SLC35F4: variants seen among roughly 807,000 people sequenced by gnomAD.
The protein encoded by SLC35F4 is solute carrier family 35 member F4, also known as chromosome 14 open reading frame 36.
SLC35F4 carries 24 observed loss-of-function variants against 44.2 expected under a neutral mutation model. The ratio of observed to expected loss-of-function variants is 0.54; its 90% CI spans 0.39 to 0.76. The LOEUF is 0.76. Among genes scored for constraint, SLC35F4 ranks in the 30% least tolerant of loss-of-function variants. The probability of loss-of-function intolerance (pLI) is 0.00; values close to 1 mark genes in which losing one functional copy is unlikely to be tolerated. For missense variants in SLC35F4, 562 were observed against 586.1 expected, an observed-to-expected ratio of 0.96 and a Z score of 0.42; for synonymous variants, 238 against 223.6, an observed-to-expected ratio of 1.06 and a Z score of -0.57.
chr14:57,926,194 G>A (rs528523929), intron 1 of SLC35F4, among the ~76,000 whole-genome samples: 5 of 152,280 alleles, frequency 3.3e-5, no homozygotes, highest in South Asian at 4.2e-4. Flanking sequence ...CAAATAAACC[G>A]TAAAGCCCTG....
At chr14:57,627,933 C>T (rs1158311887) in intron 1 of SLC35F4, among the ~76,000 whole-genome samples, 1 of 151,948 alleles carries the variant, frequency 6.6e-6, no homozygotes, top group Non-Finnish European at 1.5e-5. Flanking sequence ...TAGAAATGGG[C>T]TCAACCTCAG....
chr14:57,894,459 C>T (rs775813934), intron 1 of SLC35F4, among the ~76,000 whole-genome samples: 2 of 152,024 alleles, frequency 1.3e-5, no homozygotes, highest in Non-Finnish European at 2.9e-5. Flanking sequence ...GAAAGAGAGG[C>T]ACTCAGCCTC....
At chr14:57,857,996 G>A (rs1016085633) in intron 1 of SLC35F4, among the ~76,000 whole-genome samples, 4 of 152,028 alleles carry the variant, frequency 2.6e-5, no homozygotes, top group African/African-American at 4.8e-5. Context: ...TCTCACACCA[G>A]TTAGAATGGC....
intron 1 of SLC35F4, among the ~76,000 whole-genome samples, chr14:57,889,219 G>A (rs906782888): frequency 3.3e-5 from 5 of 152,184 alleles, no homozygotes; most frequent in Non-Finnish European, 5.9e-5. Context: ...GTTAATGTGG[G>A]TAACCAGGAA....
At position 57,865,989 on chromosome 14, in the gene SLC35F4, AGCGGCGGCGGCG is replaced by A. The variant is rs572660364; in HGVS notation, c.-176_-165del. On this transcript the variant is annotated 5_prime_UTR_variant, in exon 1 of 8. Coordinates refer to ENST00000556826, the MANE Select transcript of SLC35F4 (RefSeq NM_001306087.2). ...CGGCGCAGCACCGGCTCCGCATCACAGCGGCGGCGGCGGCGGCGGCGGCGGAGCGGCCCCCAC... is the reference window on the plus strand; with the variant it reads ...CGGCGCAGCACCGGCTCCGCATCACAGCGGCGGCGGCGGAGCGGCCCCCAC... The A allele has an allele frequency of 3.8e-5, 14 of 373,198 alleles. No individual in the cohort carries two copies. In the East Asian group the frequency reaches 6.0e-4, roughly 16 times the overall value. 23.1% of individuals were successfully genotyped at this position (373,198 alleles called of 1,614,324 possible).
intron 1 of SLC35F4, among the ~76,000 whole-genome samples, chr14:57,980,111 G>A (rs1221224607): frequency 6.6e-6 from 1 of 152,224 alleles, no homozygotes; most frequent in African/African-American, 2.4e-5. Flanking sequence ...AGTCTAGGCT[G>A]AAACAAATAC....
At chr14:57,862,442 A>C (rs763246654) in intron 1 of SLC35F4, among the ~76,000 whole-genome samples, 2 of 152,186 alleles carry the variant, frequency 1.3e-5, no homozygotes, top group Non-Finnish European at 2.9e-5. Flanking sequence ...TTTCATTCAG[A>C]ATACAAGCCA....
intron 1 of SLC35F4, among the ~76,000 whole-genome samples, chr14:57,704,490 G>A (rs187578599): frequency 6.6e-6 from 1 of 152,220 alleles, no homozygotes; most frequent in Admixed American, 6.5e-5. Flanking sequence ...AATGTTAGGA[G>A]CTGCTCCAGC....
At chr14:57,610,798 G>A (rs574427487) in intron 1 of SLC35F4, among the ~76,000 whole-genome samples, 16 of 152,294 alleles carry the variant, frequency 1.1e-4, no homozygotes, top group Non-Finnish European at 1.9e-4. Context: ...TATTTACTGA[G>A]TATCTCCTAT....
chr14:57,591,404 G>C (rs936164405), intron 2 of SLC35F4, among the ~76,000 whole-genome samples: 2 of 152,224 alleles, frequency 1.3e-5, no homozygotes, highest in African/African-American at 4.8e-5. Flanking sequence ...ACAGTCTCTT[G>C]ATAACAGGTC....
At chr14:57,770,018 T>C (rs1383019250) in intron 1 of SLC35F4, among the ~76,000 whole-genome samples, 2 of 152,124 alleles carry the variant, frequency 1.3e-5, no homozygotes, top group Non-Finnish European at 2.9e-5. Flanking sequence ...GAAAAGAAAG[T>C]ACAACCAAAA....
At chr14:57,852,221 G>A (rs1886641226) in intron 1 of SLC35F4, among the ~76,000 whole-genome samples, 1 of 152,208 alleles carries the variant, frequency 6.6e-6, no homozygotes, top group Non-Finnish European at 1.5e-5. Flanking sequence ...GGCTCTCAGA[G>A]GTGGTGGCAC....
chr14:57,774,476 C>A (rs1368820441), intron 1 of SLC35F4, among the ~76,000 whole-genome samples: 2 of 152,188 alleles, frequency 1.3e-5, no homozygotes, highest in Non-Finnish European at 2.9e-5. Flanking sequence ...GCAGCACAAC[C>A]AGGGATGCCC....
downstream of SLC35F4, among the ~76,000 whole-genome samples, chr14:57,974,713 A>G (rs1881162010): frequency 6.6e-6 from 1 of 152,198 alleles, no homozygotes; most frequent in South Asian, 2.1e-4. Flanking sequence ...TACCTTTAAG[A>G]AGTGTTGAAA....
chr14:57,835,443 C>G (rs1271906386), intron 1 of SLC35F4, among the ~76,000 whole-genome samples: 1 of 152,216 alleles, frequency 6.6e-6, no homozygotes, highest in Non-Finnish European at 1.5e-5. Context: ...ACTCTCCCAA[C>G]CCCCAAGACT....
rs2074304969 is a variant in SLC35F4, at chr14:57,666,261, T to G, written c.104-72137A>C. ...GAATAGAGAGACCCAGAACTTGAAT[T>G]TAGGTATTCCTAAGGTTCCAAATAA... is the stretch of plus-strand genomic sequence containing the variant. On this transcript the variant is annotated intron_variant, in intron 1 of 7. Transcript: ENST00000556826. Among the ~76,000 whole-genome samples the G allele has an allele frequency of 1.3e-5, 2 of 152,220 alleles. 1 individual carries two copies. Among genetic ancestry groups the G allele is most frequent in the Admixed American group, 1.3e-4 (2 of 15,284 alleles).
At chr14:57,653,345 C>T (rs535464870) in intron 1 of SLC35F4, among the ~76,000 whole-genome samples, 7 of 152,102 alleles carry the variant, frequency 4.6e-5, no homozygotes, top group Non-Finnish European at 7.3e-5. Context: ...ACAAGGGAGA[C>T]TATTTCAAAG....
intron 1 of SLC35F4, among the ~76,000 whole-genome samples, chr14:57,951,489 G>A (rs1048365073): frequency 6.6e-6 from 1 of 152,150 alleles, no homozygotes; most frequent in African/African-American, 2.4e-5. Flanking sequence ...TGGTCTAGCT[G>A]AGTGGATCCA....
At chr14:57,776,546 A>C (rs1450228722) in intron 1 of SLC35F4, among the ~76,000 whole-genome samples, 2 of 151,502 alleles carry the variant, frequency 1.3e-5, no homozygotes, top group Non-Finnish European at 2.9e-5. Flanking sequence ...CGCGCCTGCA[A>C]TCCCAGCTAA....
Sources: gnomAD v4.1 joint callset for allele counts (sites outside exome capture counted in the v4.1 genomes callset) on GRCh38, gnomAD v4.1.1 for gene constraint, MANE v1.5 for transcripts, NCBI Gene and HGNC (gene_info 2026-07-23, HGNC 2026-07-21) for gene names.